AGTPBP1: variants seen among roughly 807,000 people sequenced by gnomAD.
AGTPBP1 encodes cytosolic carboxypeptidase 1.
Under a neutral mutation model 143.9 loss-of-function variants are expected in AGTPBP1, and 70 were observed. That is an observed-to-expected ratio of 0.49 (90% CI 0.40 to 0.59). AGTPBP1 has a LOEUF of 0.59. Ranked by LOEUF, AGTPBP1 falls within the 20% of genes least tolerant of loss-of-function variation. The pLI is 0.00. For synonymous variants in AGTPBP1, 463 were observed against 500.2 expected (o/e 0.93, Z 0.99); for missense variants, 1,229 against 1,464.5 (o/e 0.84, Z 2.62).
chr9:85,717,794 C>T (rs1284662344), intron 1 of AGTPBP1, among the ~76,000 whole-genome samples: 1 of 151,810 alleles, frequency 6.6e-6, no homozygotes, highest in Admixed American at 6.6e-5. Flanking sequence ...TCGTCATTTA[C>T]ATTAGGTATT....
chr9:85,740,308 T>C (rs962395578), intron 1 of AGTPBP1, among the ~76,000 whole-genome samples: 2 of 152,220 alleles, frequency 1.3e-5, no homozygotes, highest in African/African-American at 4.8e-5. Context: ...GGCAGAGTTT[T>C]GTGATCATTA....
the AGTPBP1 span, among the ~76,000 whole-genome samples, chr9:85,763,185 CAAAA>C: frequency 1.3e-5 from 2 of 150,078 alleles, no homozygotes; most frequent in African/African-American, 4.9e-5. Context: ...AAAAAACAAA[CAAAA>C]AAAAACCCTC....
chr9:85,745,580 A>G (rs1167901103), upstream of AGTPBP1, among the ~76,000 whole-genome samples: 1 of 152,236 alleles, frequency 6.6e-6, no homozygotes, highest in African/African-American at 2.4e-5. Context: ...ATGCGGCAAA[A>G]CTGGGAAATG....
the AGTPBP1 span, among the ~76,000 whole-genome samples, chr9:85,750,636 G>A: frequency 3.3e-5 from 5 of 152,162 alleles, no homozygotes; most frequent in East Asian, 5.8e-4. Context: ...TTGTAGTTGG[G>A]TGTATAGCCT....
intron 25 of AGTPBP1, among the ~76,000 whole-genome samples, chr9:85,572,427 A>C (rs762387619): frequency 6.6e-5 from 10 of 152,132 alleles, no homozygotes; most frequent in Non-Finnish European, 1.2e-4. Flanking sequence ...TGAGGCCTAT[A>C]AACTCCTTCT....
At chr9:85,638,720 T>G (rs1832251146) in intron 13 of AGTPBP1, among the ~76,000 whole-genome samples, 1 of 151,854 alleles carries the variant, frequency 6.6e-6, no homozygotes. Flanking sequence ...TGATAAAAAG[T>G]CCAACTCAAA....
intron 1 of AGTPBP1, among the ~76,000 whole-genome samples, chr9:85,732,179 T>A (rs1838924817): frequency 6.6e-6 from 1 of 151,890 alleles, no homozygotes; most frequent in African/African-American, 2.4e-5. Flanking sequence ...AAACACACAT[T>A]TTTCTCTGCC....
At chr9:85,573,570 C>T (rs1393761029) in intron 25 of AGTPBP1, among the ~76,000 whole-genome samples, 1 of 150,724 alleles carries the variant, frequency 6.6e-6, no homozygotes, top group African/African-American at 2.4e-5. Flanking sequence ...CACCCATCGT[C>T]TGGGATGTGA....
At chr9:85,615,246 A>C (rs1181373127) in intron 17 of AGTPBP1, among the ~76,000 whole-genome samples, 1 of 152,088 alleles carries the variant, frequency 6.6e-6, no homozygotes, top group Non-Finnish European at 1.5e-5. Context: ...TTAATACTTC[A>C]CCAGCACTGT....
intron 9 of AGTPBP1, among the ~76,000 whole-genome samples, chr9:85,659,376 G>T (rs952042333): frequency 2.0e-5 from 3 of 152,028 alleles, no homozygotes; most frequent in Non-Finnish European, 4.4e-5. Flanking sequence ...AAAATGCCAT[G>T]ATTTGTTTAA....
chr9:85,590,491 T>C lies in AGTPBP1; in HGVS notation c.2569-810A>G, dbSNP rs1464233035. Among the ~76,000 whole-genome samples, 4 of 152,194 alleles carry C rather than the reference T, an allele frequency of 2.6e-5. No individual in the cohort carries two copies. The East Asian group carries it at 7.7e-4, about 29-fold the overall frequency. ...ATAAATTGTTCAATCCCCCATTTTT[T>C]AGATATTCAGTTGGTTTTCAAACTT... On this transcript the variant is annotated intron_variant, in intron 19 of 25. Transcript: ENST00000357081.
At chr9:85,741,337 C>T (rs770375579) in intron 1 of AGTPBP1, 16 of 985,322 alleles carry the variant, frequency 1.6e-5, no homozygotes, top group Non-Finnish European at 1.9e-5. Context: ...TTCAGCGGCC[C>T]GCTACCACTG....
the AGTPBP1 span, among the ~76,000 whole-genome samples, chr9:85,748,280 T>C: frequency 7.9e-5 from 12 of 152,176 alleles, no homozygotes; most frequent in Non-Finnish European, 1.5e-4. Flanking sequence ...CTTTCCTTGT[T>C]TTTTCTTCTC....
chr9:85,558,411 C>T (rs946272055), intron 25 of AGTPBP1, among the ~76,000 whole-genome samples: 6 of 152,156 alleles, frequency 3.9e-5, no homozygotes, highest in African/African-American at 1.2e-4. Context: ...TTGATGGCTG[C>T]ACACCATTGT....
the AGTPBP1 span, among the ~76,000 whole-genome samples, chr9:85,765,907 G>A: frequency 1.1e-4 from 16 of 152,204 alleles, no homozygotes; most frequent in East Asian, 9.7e-4. Context: ...GCTAAATGGC[G>A]GTTGAAAGGA....
In AGTPBP1 at chr9:85,616,502, C is replaced by T. The variant is rs988070988; in HGVS notation, c.2335+2481G>A. Among the ~76,000 whole-genome samples the T allele has an allele frequency of 4.6e-5, 7 of 151,828 alleles. No individual in the cohort carries two copies. The East Asian group carries it at 1.4e-3, about 29-fold the overall frequency. ...AATAAAGTTTAAAGTGTTAAGAGTT[C>T]TATTTTAAGTGAATATAGTTAGTAA... is the stretch of plus-strand genomic sequence containing the variant. On this transcript the variant is annotated intron_variant, in intron 17 of 25. Coordinates refer to ENST00000357081, the MANE Select transcript of AGTPBP1 (RefSeq NM_001330701.2).
At chr9:85,631,389 C>G (rs1831668164) in intron 14 of AGTPBP1, among the ~76,000 whole-genome samples, 1 of 152,234 alleles carries the variant, frequency 6.6e-6, no homozygotes, top group African/African-American at 2.4e-5. Context: ...GCAACCCAAC[C>G]ATTCCCTGAG....
At chr9:85,644,206 CTG>C (rs1484889786) in intron 12 of AGTPBP1, among the ~76,000 whole-genome samples, 3 of 151,862 alleles carry the variant, frequency 2.0e-5, no homozygotes, top group South Asian at 2.1e-4. Flanking sequence ...ATATTAATCA[CTG>C]TATCATTATT....
chr9:85,547,333 G>C, intron 25 of AGTPBP1, 47 bp from the exon 26 acceptor site: 1 of 1,461,690 alleles, frequency 6.8e-7, no homozygotes, highest in Non-Finnish European at 9.1e-7. Flanking sequence ...GAGGTCTTAA[G>C]GTCCTAATAT....
Sources: allele counts gnomAD v4.1 joint callset (sites outside exome capture counted in the v4.1 genomes callset), GRCh38; gene constraint gnomAD v4.1.1; transcripts MANE v1.5; gene names NCBI Gene and HGNC (gene_info 2026-07-23, HGNC 2026-07-21).